CROCC2: variants seen among roughly 807,000 people sequenced by gnomAD.
The protein encoded by CROCC2 is ciliary rootlet coiled-coil, rootletin family member 2.
CROCC2 carries 163 observed loss-of-function variants against 177.6 expected under a neutral mutation model. The observed-to-expected ratio is 0.92, with a 90% CI of 0.81 to 1.05. CROCC2 has a LOEUF of 1.05. CROCC2 is among the 50% of genes least tolerant of loss of function. The pLI, the probability that CROCC2 is intolerant of heterozygous loss-of-function variation, is 0.00. For missense variants in CROCC2, 1,929 were observed against 1,797.8 expected (o/e 1.07, Z -1.32); for synonymous variants, 904 against 787.3 (o/e 1.15, Z -2.48).
intron 27 of CROCC2, among the ~76,000 whole-genome samples, chr2:240,975,577 C>T (rs1462389090): frequency 1.3e-5 from 2 of 152,158 alleles, no homozygotes; most frequent in African/African-American, 2.4e-5. Flanking sequence ...TCTGTGCAGC[C>T]GGCAGGACGC....
At chr2:240,922,399 G>A (rs929307963) in intron 3 of CROCC2, 140 bp from the exon 4 acceptor site, 27 of 569,166 alleles carry the variant, frequency 4.7e-5, no homozygotes, top group Non-Finnish European at 7.9e-5. Flanking sequence ...GGCCTCACCA[G>A]ACCCAACCCC....
chr2:240,920,199 C>G (rs988594349), intron 3 of CROCC2, 65 bp downstream of exon 3: 1 of 600,538 alleles, frequency 1.7e-6, no homozygotes, highest in East Asian at 2.9e-5. Context: ...TGAGGGGTCA[C>G]TTGTCGGGAC....
chr2:240,934,909 GC>G lies in CROCC2; in HGVS notation c.1792-3del, dbSNP rs2059457971. ...GTCCCTCCCTGGCATCCCCCTCCCT[GC>G]CCCAGGCCGAGTGCAGCAATGCGGA... On this transcript the variant is annotated splice_polypyrimidine_tract_variant and splice_region_variant and intron_variant, in intron 12 of 31. Transcript: ENST00000690015. 3 of 1,500,930 alleles carry G rather than the reference GC, an allele frequency of 2.0e-6. No individual in the cohort carries two copies. Among genetic ancestry groups the G allele is most frequent in the Non-Finnish European group, 1.8e-6 (2 of 1,125,084 alleles). 93.0% of individuals were successfully genotyped at this position (1,500,930 alleles called of 1,614,324 possible).
At chr2:240,925,248 G>A (rs1214779189) in intron 4 of CROCC2, among the ~76,000 whole-genome samples, 1 of 152,220 alleles carries the variant, frequency 6.6e-6, no homozygotes, top group Non-Finnish European at 1.5e-5. Flanking sequence ...CCACCCACCT[G>A]GCGGACTTGC....
At chr2:240,915,468 TC>T (rs2059314233) in intron 1 of CROCC2, among the ~76,000 whole-genome samples, 1 of 152,160 alleles carries the variant, frequency 6.6e-6, no homozygotes, top group African/African-American at 2.4e-5. Context: ...GGCCCTGGGA[TC>T]CAGGAGGGCC....
rs764771673 is a variant in CROCC2, at chr2:240,968,255, G to A, written c.4394G>A (p.Arg1465Gln). 9.4e-5 allele frequency: 144 copies of A among 1,529,290 alleles called. No individual in the cohort carries two copies. The highest frequency in any genetic ancestry group is 1.1e-4 in the Non-Finnish European group (130 of 1,143,700). 94.7% of individuals were successfully genotyped at this position (1,529,290 alleles called of 1,614,324 possible). A position where few individuals can be genotyped will look rare whatever the true frequency, so the allele number is the denominator to read the frequency against. Residue 1465 changes from arginine to glutamine, a missense_variant, in exon 27 of 32, where the codon CGG becomes CAG. Transcript: ENST00000690015. ...SVRAAGQEKR[R>Q]LQEQLETLRQ... The stretch of plus-strand genomic sequence containing the variant: ...CGTGCGGCAGGCCAGGAGAAGCGGC[G>A]GCTGCAGGTGGGGCAGGCGGCAGGG...
chr2:240,933,443 G>T (rs547440428), intron 10 of CROCC2, 101 bp downstream of exon 10: 1 of 1,280,552 alleles, frequency 7.8e-7, no homozygotes, highest in Middle Eastern at 2.8e-4. Context: ...TGGAGGGGTT[G>T]CCAGCCGGGG....
intron 6 of CROCC2, 112 bp downstream of exon 6, chr2:240,930,381 C>T (rs1574756035): frequency 4.6e-6 from 2 of 431,616 alleles, no homozygotes; most frequent in Non-Finnish European, 8.3e-6. Flanking sequence ...GGTGCAGTAG[C>T]CCTGGCCTGC....
intron 2 of CROCC2, among the ~76,000 whole-genome samples, chr2:240,919,395 C>A (rs1003457282): frequency 6.6e-6 from 1 of 152,174 alleles, no homozygotes; most frequent in Non-Finnish European, 1.5e-5. Flanking sequence ...CGCCCACCCC[C>A]CTGGGCTCTG....
Position 240,918,367 on chromosome 2 carries a change from G to C in CROCC2, c.79-359G>C. ...GGGCGAGGATGTTGGGTTTCTTGTG[G>C]AGCAGAGGCAAAGGAACCTGCCTGT... On this transcript the variant is annotated intron_variant, in intron 1 of 31. Coordinates refer to ENST00000690015, the MANE Select transcript of CROCC2 (RefSeq NM_001351305.2). The surrounding 1 kb of genome is among the most constrained non-coding windows in gnomAD (Gnocchi z 6.3). 6.6e-6 allele frequency among the ~76,000 whole-genome samples: 1 copy of C among 152,208 alleles called. No individual in the cohort carries two copies. Among genetic ancestry groups the C allele is most frequent in the Non-Finnish European group, 1.5e-5 (1 of 68,036 alleles).
At chr2:240,965,027 C>T (rs1193215080) in intron 22 of CROCC2, among the ~76,000 whole-genome samples, 6 of 152,310 alleles carry the variant, frequency 3.9e-5, no homozygotes, top group South Asian at 2.1e-4. Flanking sequence ...GCTGGCAAGC[C>T]GGGTCCCCCC....
intron 25 of CROCC2, among the ~76,000 whole-genome samples, chr2:240,966,713 C>G (rs1188469153): frequency 6.6e-6 from 1 of 152,168 alleles, no homozygotes; most frequent in Non-Finnish European, 1.5e-5. Flanking sequence ...GCTGCCGGGG[C>G]TGGGCAACTG....
In CROCC2 at chr2:240,963,553, C is replaced by G. The variant is rs2059656803; in HGVS notation, c.3088-3C>G. On this transcript the variant is annotated splice_polypyrimidine_tract_variant and splice_region_variant and intron_variant, in intron 20 of 31. Transcript: ENST00000690015. ...GCCTCTAGAGCTGAATGGTCCTCCCCAGGCTGAGAGGCTGCGGGCACAGCT... is the reference window on the plus strand; with the variant it reads ...GCCTCTAGAGCTGAATGGTCCTCCCGAGGCTGAGAGGCTGCGGGCACAGCT... The G allele has an allele frequency of 6.5e-7, 1 of 1,538,688 alleles. No individual in the cohort carries two copies. The highest frequency in any genetic ancestry group is 1.2e-5 in the South Asian group (1 of 83,058).
At chr2:240,937,167 A>G (rs74000159) in intron 14 of CROCC2, among the ~76,000 whole-genome samples, 4,300 of 152,082 alleles carry the variant, frequency 0.028, 144 homozygotes, top group East Asian at 0.16. Context: ...CCTTCTCGAC[A>G]TTTGGTATTG....
chr2:240,918,796 G>A lies in CROCC2; in HGVS notation c.149G>A (p.Gly50Asp). ...CGGGCGCTGACCGTGCGTGGGGAAG[G>A]CCGGCAGGCCTCGCCCACCCCCGTG... ...EDRALTVRGE[G>D]RQASPTPVPT... Residue 50 changes from glycine (G) to aspartate (D), a missense_variant, in exon 2 of 32, where the codon GGC becomes GAC. This residue lies in a region of CROCC2 where 1,397 missense variants were observed against 1,239.9 expected (regional missense o/e 1.13). Transcript: ENST00000690015. This position sits in a 1 kb window ranked among gnomAD's most constrained non-coding sequence, Gnocchi z 6.3. The A allele has an allele frequency of 1.7e-6, 1 of 603,052 alleles. No individual in the cohort carries two copies. Among genetic ancestry groups the A allele is most frequent in the Non-Finnish European group, 3.0e-6 (1 of 331,386 alleles). 37.4% of individuals were successfully genotyped at this position (603,052 alleles called of 1,614,324 possible). A position where few individuals can be genotyped will look rare whatever the true frequency, so the allele number is the denominator to read the frequency against.
chr2:240,913,166 C>T (rs946176490), intron 1 of CROCC2, among the ~76,000 whole-genome samples: 1 of 152,156 alleles, frequency 6.6e-6, no homozygotes, highest in Admixed American at 6.5e-5. Flanking sequence ...TTGAGGCCCT[C>T]ACGGTCTGGA....
intron 5 of CROCC2, chr2:240,929,830 C>A: frequency 2.0e-6 from 1 of 489,030 alleles, no homozygotes; most frequent in Non-Finnish European, 4.0e-6. Flanking sequence ...CAAGCCTGAG[C>A]AGTTCCTGAG....
intron 11 of CROCC2, 75 bp from the exon 12 acceptor site, chr2:240,934,256 T>C (rs2106462275): frequency 6.7e-7 from 1 of 1,487,802 alleles, no homozygotes; most frequent in African/African-American, 1.4e-5. Flanking sequence ...TTGCAGGTGG[T>C]CGCCTGCCTG....
rs2059625545 is a variant in CROCC2 at position 240,960,649 on chromosome 2, C to T, written c.3087+1205C>T. Among the ~76,000 whole-genome samples the T allele has an allele frequency of 6.6e-6, 1 of 152,062 alleles. No homozygotes were observed. Among genetic ancestry groups the T allele is most frequent in the South Asian group, 2.1e-4 (1 of 4,816 alleles). On this transcript the variant is annotated intron_variant, in intron 20 of 31. Coordinates refer to ENST00000690015, the MANE Select transcript of CROCC2 (RefSeq NM_001351305.2). This position sits in a 1 kb window ranked among gnomAD's most constrained non-coding sequence, Gnocchi z 5.0. Reference sequence around the variant, plus strand: ...GGCTGCTTGCCAAGGCTGGAGGCTGCGCAGCTGACCTGGTGCTGGAGCGAG... The same window carrying T: ...GGCTGCTTGCCAAGGCTGGAGGCTGTGCAGCTGACCTGGTGCTGGAGCGAG...
Sources: gnomAD v4.1 joint callset for allele counts (sites outside exome capture counted in the v4.1 genomes callset) on GRCh38, gnomAD v4.1.1 for gene constraint, gnomAD v4.1.1 regional missense constraint, Gnocchi (gnomAD v3.1) non-coding constraint, MANE v1.5 for transcripts, NCBI Gene and HGNC (gene_info 2026-07-23, HGNC 2026-07-21) for gene names.